Variants in TANC2 observed in about 807,000 individuals in gnomAD.
TANC2 encodes the protein tetratricopeptide repeat, ankyrin repeat and coiled-coil containing 2, also known as protein TANC2.
Under a neutral mutation model 210.5 loss-of-function variants are expected in TANC2, and 26 were observed. The observed-to-expected ratio is 0.12, with a 90% CI of 0.09 to 0.17. The LOEUF (loss-of-function observed/expected upper bound fraction) is 0.17. TANC2 is among the 10% of genes least tolerant of loss of function. The pLI is 1.00. For synonymous variants in TANC2, 931 were observed against 967.1 expected, an observed-to-expected ratio of 0.96 and a Z score of 0.69; for missense variants, 2,129 against 2,608.9, an observed-to-expected ratio of 0.82 and a Z score of 4.01.
At chr17:63,301,885 G>T (rs956582595) in intron 9 of TANC2, among the ~76,000 whole-genome samples, 2 of 152,096 alleles carry the variant, frequency 1.3e-5, no homozygotes, top group Admixed American at 1.3e-4. Context: ...GTCAATTTGA[G>T]ATCTTTCTGG....
At chr17:63,055,990 A>ATATATATATATATATATATATATATAT (rs1555769555) in intron 2 of TANC2, among the ~76,000 whole-genome samples, 1 of 10,102 alleles carries the variant, frequency 9.9e-5, no homozygotes, top group Non-Finnish European at 2.2e-4. Context: ...AAAAAAAAAA[A>ATATATATATATATATATATATATATAT]ATATATATAT....
intron 2 of TANC2, among the ~76,000 whole-genome samples, chr17:63,043,780 G>T (rs1482946826): frequency 6.6e-6 from 1 of 152,088 alleles, no homozygotes; most frequent in East Asian, 1.9e-4. Flanking sequence ...TTTAGATGTA[G>T]CTGATGGCCA....
intron 9 of TANC2, among the ~76,000 whole-genome samples, chr17:63,295,493 T>A (rs1480508817): frequency 1.3e-5 from 2 of 152,208 alleles, no homozygotes; most frequent in Non-Finnish European, 2.9e-5. Context: ...TGTAAAGTAA[T>A]CTTGGACCTG....
At chr17:63,211,003 C>G (rs1313927957) in intron 7 of TANC2, among the ~76,000 whole-genome samples, 1 of 152,112 alleles carries the variant, frequency 6.6e-6, no homozygotes, top group Non-Finnish European at 1.5e-5. Flanking sequence ...CCTCCTCCCT[C>G]TCTTTATATT....
chr17:63,008,970 C>T (rs796080047), intron 1 of TANC2, among the ~76,000 whole-genome samples: 7 of 152,154 alleles, frequency 4.6e-5, no homozygotes, highest in African/African-American at 1.7e-4. Flanking sequence ...TGCTCTGCAT[C>T]CTCAGTGATA....
At chr17:63,325,228 CA>C (rs928230312) in intron 11 of TANC2, among the ~76,000 whole-genome samples, 2 of 152,138 alleles carry the variant, frequency 1.3e-5, no homozygotes, top group Admixed American at 1.3e-4. Context: ...TCCTGGGGAG[CA>C]AAACCACTGC....
chr17:63,400,854 T>C (rs1318413792), intron 19 of TANC2, among the ~76,000 whole-genome samples: 1 of 151,700 alleles, frequency 6.6e-6, no homozygotes, highest in Admixed American at 6.6e-5. Flanking sequence ...GGTTTCACCA[T>C]GTTGGCCAGG....
intron 2 of TANC2, among the ~76,000 whole-genome samples, chr17:63,044,219 A>G (rs1042146002): frequency 3.9e-5 from 6 of 152,212 alleles, no homozygotes; most frequent in African/African-American, 1.2e-4. Flanking sequence ...TAGATAATAT[A>G]TAGACCAGAC....
At chr17:63,246,129 C>G (rs563031054) in intron 8 of TANC2, among the ~76,000 whole-genome samples, 1 of 151,962 alleles carries the variant, frequency 6.6e-6, no homozygotes, top group East Asian at 1.9e-4. Flanking sequence ...TCTGAATTAT[C>G]TATTTTAGTG....
At chr17:63,073,965 G>C in exon 3 of TANC2, 1 of 1,589,078 alleles carries the variant, frequency 6.3e-7, no homozygotes, top group Non-Finnish European at 8.6e-7. Flanking sequence ...AGGAACCACC[G>C]GATCGAAGAC....
intron 14 of TANC2, among the ~76,000 whole-genome samples, chr17:63,372,392 T>A (rs1044259662): frequency 6.6e-6 from 1 of 152,192 alleles, no homozygotes; most frequent in African/African-American, 2.4e-5. Context: ...GGATCAGGGT[T>A]AAGGACAGGG....
chr17:63,001,819 A>G (rs2033401444), intron 1 of TANC2, among the ~76,000 whole-genome samples: 2 of 152,152 alleles, frequency 1.3e-5, no homozygotes, highest in Non-Finnish European at 2.9e-5. Flanking sequence ...AAGTGTTGAG[A>G]TTACAGGTAT....
At chr17:63,183,626 A>G (rs1012330010) in intron 5 of TANC2, among the ~76,000 whole-genome samples, 2 of 152,222 alleles carry the variant, frequency 1.3e-5, no homozygotes, top group African/African-American at 4.8e-5. Context: ...TCATACATGC[A>G]TGTGAGAAAT....
chr17:63,190,512 G>A (rs2041148451), intron 5 of TANC2, among the ~76,000 whole-genome samples: 1 of 152,042 alleles, frequency 6.6e-6, no homozygotes, highest in Admixed American at 6.6e-5. Flanking sequence ...CTTTTTAAAG[G>A]TTGTTTTTTA....
At chr17:63,260,957 C>T (rs2043338346) in intron 8 of TANC2, among the ~76,000 whole-genome samples, 1 of 151,480 alleles carries the variant, frequency 6.6e-6, no homozygotes, top group Admixed American at 6.6e-5. Context: ...GTTGGCTGGT[C>T]ACGGTGGCTT....
At chr17:63,248,598 C>G (rs558626164) in intron 8 of TANC2, among the ~76,000 whole-genome samples, 4 of 152,260 alleles carry the variant, frequency 2.6e-5, no homozygotes, top group African/African-American at 9.6e-5. Context: ...ACAGATTTCT[C>G]CCCAATTTGG....
intron 4 of TANC2, among the ~76,000 whole-genome samples, chr17:63,144,217 GTA>G (rs2039388238): frequency 6.6e-6 from 1 of 152,074 alleles, no homozygotes; most frequent in Non-Finnish European, 1.5e-5. Flanking sequence ...GTGAAACTAT[GTA>G]ATGTTGCCTT....
At chr17:63,168,256 T>C (rs2040284252) in intron 5 of TANC2, among the ~76,000 whole-genome samples, 1 of 152,100 alleles carries the variant, frequency 6.6e-6, no homozygotes, top group Admixed American at 6.6e-5. Flanking sequence ...GTAGAGGGGA[T>C]GAGGAAGGGT....
Position 63,131,869 on chromosome 17 carries a change from A to G in TANC2, c.323-19401A>G, listed in dbSNP as rs997262183. Among the ~76,000 whole-genome samples the G allele has an allele frequency of 5.9e-5, 9 of 152,300 alleles. No individual in the cohort carries two copies. The East Asian group carries it at 1.2e-3, about 20-fold the overall frequency. On this transcript the variant is annotated intron_variant, in intron 4 of 27. Coordinates refer to ENST00000689528, the Ensembl canonical transcript of TANC2. ...AGGGTTCCATCAAGATTTGAAAGCT[A>G]TTGAATGCAGGAGCAGAACCTCCTC...
Sources: allele counts gnomAD v4.1 joint callset (sites outside exome capture counted in the v4.1 genomes callset), GRCh38; gene constraint gnomAD v4.1.1; transcripts MANE v1.5; gene names NCBI Gene and HGNC (gene_info 2026-07-23, HGNC 2026-07-21).